The following MAGI1 variants were observed in gnomAD, a reference collection of about 807,000 sequenced individuals.
MAGI1 encodes the protein membrane-associated guanylate kinase, WW and PDZ domain-containing protein 1.
MAGI1 carries 58 observed loss-of-function variants against 139.9 expected under a neutral mutation model. The ratio of observed to expected loss-of-function variants is 0.41; its 90% CI spans 0.34 to 0.52. The LOEUF is 0.52. Ranked by LOEUF, MAGI1 falls within the 20% of genes least tolerant of loss-of-function variation. The pLI is 0.12. For synonymous variants in MAGI1, 812 were observed against 737.9 expected, an observed-to-expected ratio of 1.10 and a Z score of -1.63; for missense variants, 1,874 against 1,901.6, an observed-to-expected ratio of 0.99 and a Z score of 0.27.
intron 1 of MAGI1, among the ~76,000 whole-genome samples, chr3:65,788,886 T>A (rs2039569485): frequency 1.3e-5 from 2 of 152,076 alleles, no homozygotes; most frequent in Non-Finnish European, 2.9e-5. Context: ...AAATTAAAAA[T>A]AAATAATGAG....
At chr3:65,742,765 A>G (rs990179800) in intron 1 of MAGI1, among the ~76,000 whole-genome samples, 1 of 152,192 alleles carries the variant, frequency 6.6e-6, no homozygotes, top group Non-Finnish European at 1.5e-5. Flanking sequence ...GATTCTGCTG[A>G]GCTGGTAACC....
chr3:65,849,488 A>G (rs536250487), intron 1 of MAGI1, among the ~76,000 whole-genome samples: 121 of 113,228 alleles, frequency 1.1e-3, no homozygotes, highest in South Asian at 3.7e-3. Context: ...TATATATATC[A>G]TCAAATATAC....
intron 1 of MAGI1, among the ~76,000 whole-genome samples, chr3:65,801,625 T>C (rs1240717494): frequency 1.3e-5 from 2 of 152,130 alleles, no homozygotes; most frequent in Non-Finnish European, 2.9e-5. Context: ...CCTCGACCAA[T>C]CACTTCTCCT....
At chr3:65,543,840 G>A (rs185783508) in intron 2 of MAGI1, among the ~76,000 whole-genome samples, 1 of 152,116 alleles carries the variant, frequency 6.6e-6, no homozygotes, top group Admixed American at 6.6e-5. Context: ...ACCATGGCAC[G>A]TGTATACCTA....
intron 1 of MAGI1, among the ~76,000 whole-genome samples, chr3:65,822,012 G>T (rs1247481924): frequency 6.6e-6 from 1 of 152,156 alleles, no homozygotes; most frequent in South Asian, 2.1e-4. Flanking sequence ...AAAGCATCAA[G>T]TGCCTATAAC....
chr3:65,793,798 T>C lies in MAGI1; in HGVS notation c.314-171710A>G, dbSNP rs904904913. Among the ~76,000 whole-genome samples the C allele has an allele frequency of 5.9e-5, 9 of 152,216 alleles. No homozygotes were observed. The East Asian group carries it at 1.3e-3, about 23-fold the overall frequency. ...TCTGAAGGAGAATCCAGTTAAGGAA[T>C]AGATCAAGAAAATATATTGCACAGC... On this transcript the variant is annotated intron_variant, in intron 1 of 22. Coordinates refer to ENST00000402939, the MANE Select transcript of MAGI1 (RefSeq NM_001033057.2).
intron 2 of MAGI1, among the ~76,000 whole-genome samples, chr3:65,601,241 G>C (rs1292167760): frequency 6.6e-6 from 1 of 152,114 alleles, no homozygotes; most frequent in Non-Finnish European, 1.5e-5. Flanking sequence ...TATATCCATG[G>C]GGTCAGAAAG....
chr3:65,637,193 C>T (rs1226040538), intron 1 of MAGI1, among the ~76,000 whole-genome samples: 1 of 152,064 alleles, frequency 6.6e-6, no homozygotes, highest in Non-Finnish European at 1.5e-5. Context: ...TACTTAAGTG[C>T]CCCTTTACAC....
chr3:65,579,372 C>G (rs891017797), intron 2 of MAGI1, among the ~76,000 whole-genome samples: 4 of 152,136 alleles, frequency 2.6e-5, no homozygotes, highest in Admixed American at 2.6e-4. Flanking sequence ...GGGCCTTATA[C>G]AGTTCCTTTC....
chr3:65,780,731 T>A (rs1021281825), intron 1 of MAGI1, among the ~76,000 whole-genome samples: 1 of 152,112 alleles, frequency 6.6e-6, no homozygotes, highest in Non-Finnish European at 1.5e-5. Context: ...ATAAAAAACG[T>A]AGGAAAATTA....
At chr3:65,525,415 A>T (rs2078337027) in intron 2 of MAGI1, among the ~76,000 whole-genome samples, 1 of 152,200 alleles carries the variant, frequency 6.6e-6, no homozygotes, top group Non-Finnish European at 1.5e-5. Flanking sequence ...CAACTGACTA[A>T]CCTTTGGAAT....
At chr3:65,365,647 A>C (rs1301049605) in intron 18 of MAGI1, among the ~76,000 whole-genome samples, 3 of 152,220 alleles carry the variant, frequency 2.0e-5, no homozygotes, top group African/African-American at 7.2e-5. Flanking sequence ...TTGTAGGTTG[A>C]CTGAAACTCG....
At chr3:66,031,917 G>A (rs990558342) in intron 1 of MAGI1, among the ~76,000 whole-genome samples, 2 of 152,160 alleles carry the variant, frequency 1.3e-5, no homozygotes, top group Non-Finnish European at 2.9e-5. Context: ...GAAATTTCAC[G>A]TTTAGAGGCT....
intron 2 of MAGI1, among the ~76,000 whole-genome samples, chr3:65,593,303 G>C (rs1454330132): frequency 1.3e-5 from 2 of 152,132 alleles, no homozygotes; most frequent in African/African-American, 4.8e-5. Flanking sequence ...TACAGTCTTT[G>C]TCAAATTTGT....
intron 1 of MAGI1, among the ~76,000 whole-genome samples, chr3:65,853,919 A>G (rs1290343249): frequency 6.6e-6 from 1 of 152,168 alleles, no homozygotes; most frequent in Non-Finnish European, 1.5e-5. Context: ...AGCCTGGCCA[A>G]CATGGTGAAA....
At position 65,376,006 on chromosome 3, in the gene MAGI1, G is replaced by A; in HGVS notation, c.2996-61C>T. 6 of 1,281,468 alleles carry A rather than the reference G, an allele frequency of 4.7e-6. No individual in the cohort carries two copies. The Admixed American group carries it at 6.1e-5, about 13-fold the overall frequency. The allele number at this position is 1,281,468 out of a possible 1,614,324, so 79.4% of individuals were successfully genotyped here. A position where few individuals can be genotyped will look rare whatever the true frequency, so the allele number is the denominator to read the frequency against. Reference sequence around the variant, plus strand: ...ACGTGGGAATATAGCAAAGGGAAGAGAAAAAGGGTTGAAAAGGGAAAGAGA... The same window carrying A: ...ACGTGGGAATATAGCAAAGGGAAGAAAAAAAGGGTTGAAAAGGGAAAGAGA... On this transcript the variant is annotated intron_variant, in intron 17 of 22. Transcript: ENST00000402939.
chr3:65,988,345 T>TG (rs2065990042), intron 1 of MAGI1, among the ~76,000 whole-genome samples: 1 of 152,214 alleles, frequency 6.6e-6, no homozygotes, highest in South Asian at 2.1e-4. Flanking sequence ...TGTTGGCGAC[T>TG]GGCCCCAGTG....
At chr3:65,678,073 C>G (rs987857993) in intron 1 of MAGI1, among the ~76,000 whole-genome samples, 1 of 152,114 alleles carries the variant, frequency 6.6e-6, no homozygotes, top group South Asian at 2.1e-4. Flanking sequence ...AACACAGGAA[C>G]AGAAAACCAA....
chr3:65,427,249 C>CT (rs1245295666), intron 12 of MAGI1, among the ~76,000 whole-genome samples: 3 of 152,062 alleles, frequency 2.0e-5, no homozygotes, highest in African/African-American at 7.2e-5. Flanking sequence ...GAGGTTGAGG[C>CT]TGCAGTGAGC....
Sources: allele counts gnomAD v4.1 joint callset (sites outside exome capture counted in the v4.1 genomes callset), GRCh38; gene constraint gnomAD v4.1.1; transcripts MANE v1.5; gene names NCBI Gene and HGNC (gene_info 2026-07-23, HGNC 2026-07-21).